Variants in MBTPS1 observed in about 807,000 individuals in gnomAD.
MBTPS1 encodes the protein membrane-bound transcription factor site-1 protease.
Under a neutral mutation model 127.8 loss-of-function variants are expected in MBTPS1, and 94 were observed. That is an observed-to-expected ratio of 0.74 (90% CI 0.62 to 0.87). The LOEUF is 0.87. Ranked by LOEUF, MBTPS1 falls within the 40% of genes least tolerant of loss-of-function variation. MBTPS1 has a pLI of 0.00. For synonymous variants in MBTPS1, 632 were observed against 509.4 expected, an observed-to-expected ratio of 1.24 and a Z score of -3.24; for missense variants, 1,636 against 1,353.2, an observed-to-expected ratio of 1.21 and a Z score of -3.28.
At position 84,068,347 on chromosome 16, in the gene MBTPS1, C is replaced by T. The variant is rs750083240; in HGVS notation, c.2063G>A (p.Ser688Asn). The T allele has an allele frequency of 6.2e-7, 1 of 1,605,492 alleles. No homozygotes were observed. Among genetic ancestry groups the T allele is most frequent in the South Asian group, 1.1e-5 (1 of 90,896 alleles). ...ACAGCAGTGCCACTTACCATACTGA[C>T]TGGCATCAAAACACGTGAAGGGGGC... ...LGAPFTCFDA[S>N]QYGTLLMVDS... The change falls in exon 15 of 23, where the codon AGT becomes AAT. Residue 688 changes from serine (S) to asparagine (N), a missense_variant. Ser to Asn is a conservative substitution (Grantham distance 46). Transcript: ENST00000343411.
intron 11 of MBTPS1, chr16:84,081,461 A>C (rs1286623359): frequency 4.5e-6 from 1 of 221,038 alleles, no homozygotes; most frequent in African/African-American, 2.3e-5. Context: ...CTGTAAACCT[A>C]AGATTATTTC....
chr16:84,062,744 G>A (rs1455847221), intron 19 of MBTPS1, among the ~76,000 whole-genome samples: 1 of 152,102 alleles, frequency 6.6e-6, no homozygotes, highest in Non-Finnish European at 1.5e-5. Flanking sequence ...CGGATGCATC[G>A]AGAGACTGAC....
chr16:84,102,873 A>G (rs1420631481), intron 1 of MBTPS1, among the ~76,000 whole-genome samples: 2 of 152,224 alleles, frequency 1.3e-5, no homozygotes, highest in African/African-American at 2.4e-5. Context: ...AAAAGGGTTT[A>G]CTGTCCTGAA....
chr16:84,082,066 C>T, intron 10 of MBTPS1, 158 bp from the exon 11 acceptor site: 6 of 449,450 alleles, frequency 1.3e-5, no homozygotes, highest in African/African-American at 2.0e-5. Context: ...AGAATGAGTG[C>T]ACACTCATCT....
At chr16:84,106,682 G>A (rs1048688561) in intron 1 of MBTPS1, among the ~76,000 whole-genome samples, 2 of 152,232 alleles carry the variant, frequency 1.3e-5, no homozygotes, top group South Asian at 2.1e-4. Context: ...AGGCAGTCCT[G>A]AGCACGTGTG....
intron 11 of MBTPS1, among the ~76,000 whole-genome samples, chr16:84,081,038 C>T (rs867069741): frequency 1.3e-5 from 2 of 152,198 alleles, no homozygotes; most frequent in Non-Finnish European, 2.9e-5. Context: ...TGGACTGGAT[C>T]CCAGAGAATG....
intron 9 of MBTPS1, among the ~76,000 whole-genome samples, chr16:84,085,580 C>T (rs1395250585): frequency 2.3e-4 from 24 of 104,790 alleles, no homozygotes; most frequent in Middle Eastern, 4.1e-3. Flanking sequence ...CGCCCCCCCC[C>T]CAAAAAAAAA....
intron 1 of MBTPS1, among the ~76,000 whole-genome samples, chr16:84,108,303 T>C (rs1201469478): frequency 6.6e-6 from 1 of 152,140 alleles, no homozygotes; most frequent in Non-Finnish European, 1.5e-5. Flanking sequence ...CTCACTTTGC[T>C]GCCCAGGCTG....
At chr16:84,110,063 C>T (rs2086378391) in intron 1 of MBTPS1, among the ~76,000 whole-genome samples, 2 of 152,220 alleles carry the variant, frequency 1.3e-5, no homozygotes, top group Admixed American at 6.5e-5. Flanking sequence ...TATTTACCCT[C>T]ACCTGCCAAG....
chr16:84,100,071 C>G (rs2086232872), intron 2 of MBTPS1, among the ~76,000 whole-genome samples: 1 of 152,216 alleles, frequency 6.6e-6, no homozygotes, highest in Non-Finnish European at 1.5e-5. Flanking sequence ...CATTCTGCAC[C>G]TCCCAGCTCC....
chr16:84,068,383 T>C lies in MBTPS1; in HGVS notation c.2027A>G (p.Glu676Gly). ...ACACGTGAAGGGGGCCCCGAGGACC[T>C]CTACAAAGTAGCCCATGCTTCTCAG... is the stretch of plus-strand genomic sequence containing the variant. ...QHLRSMGYFVEVLGAPFTCFD... is the reference protein window; with the variant it reads ...QHLRSMGYFVGVLGAPFTCFD... Residue 676 changes from glutamate to glycine, a missense_variant, in exon 15 of 23, where the codon GAG (glutamate) becomes GGG (glycine). By Grantham distance (98) the Glu-to-Gly change is moderately conservative. Coordinates refer to ENST00000343411, the MANE Select transcript of MBTPS1 (RefSeq NM_003791.4). 2 of 1,614,226 alleles carry C rather than the reference T, an allele frequency of 1.2e-6. No homozygotes were observed.
chr16:84,063,503 T>C (rs1363069097), intron 18 of MBTPS1, 58 bp from the exon 19 acceptor site: 91 of 1,476,870 alleles, frequency 6.2e-5, no homozygotes, highest in Non-Finnish European at 7.3e-5. Flanking sequence ...CAGTGAGTTA[T>C]TTCCTGATAT....
At chr16:84,091,881 TTCAA>T (rs1421756848) in intron 6 of MBTPS1, 33 bp from the exon 7 acceptor site, 2 of 1,235,506 alleles carry the variant, frequency 1.6e-6, no homozygotes, top group Non-Finnish European at 2.4e-6. Context: ...TGCTTAGTGT[TTCAA>T]TCAAGTTTTA....
In MBTPS1 at chr16:84,101,518, T is replaced by C. The variant is rs553044206; in HGVS notation, c.163+103A>G. 13 of 1,026,558 alleles carry C rather than the reference T, an allele frequency of 1.3e-5. No homozygotes were observed. In the East Asian group the frequency reaches 2.9e-4, roughly 23 times the overall value. 63.6% of individuals were successfully genotyped at this position (1,026,558 alleles called of 1,614,324 possible). On this transcript the variant is annotated intron_variant, in intron 2 of 22. Coordinates refer to ENST00000343411, the MANE Select transcript of MBTPS1 (RefSeq NM_003791.4). The stretch of plus-strand genomic sequence containing the variant: ...AAAAAAAAAAAAGAAAGAAATTTAC[T>C]GTAGAAAAGAGGAACATGTTATTCA...
chr16:84,082,459 T>C (rs993405619), intron 10 of MBTPS1, among the ~76,000 whole-genome samples: 2 of 152,160 alleles, frequency 1.3e-5, no homozygotes, highest in African/African-American at 4.8e-5. Flanking sequence ...CAGAACGACA[T>C]AGACCTAAGG....
intron 1 of MBTPS1, among the ~76,000 whole-genome samples, chr16:84,111,703 T>G (rs570831563): frequency 1.3e-5 from 2 of 152,272 alleles, no homozygotes; most frequent in South Asian, 2.1e-4. Flanking sequence ...AAACTTTGAC[T>G]TGAGCTCAGT....
At chr16:84,108,394 G>C (rs2086354074) in intron 1 of MBTPS1, among the ~76,000 whole-genome samples, 1 of 152,208 alleles carries the variant, frequency 6.6e-6, no homozygotes, top group South Asian at 2.1e-4. Flanking sequence ...CTCCTGAGTA[G>C]CTGGAATTAC....
At chr16:84,103,521 A>G (rs540297552) in intron 1 of MBTPS1, among the ~76,000 whole-genome samples, 12 of 152,202 alleles carry the variant, frequency 7.9e-5, no homozygotes, top group Non-Finnish European at 1.5e-4. Flanking sequence ...CAAAGTGTTG[A>G]GATTACAGAC....
chr16:84,059,615 G>A, intron 20 of MBTPS1, 187 bp from the exon 21 acceptor site: 3 of 502,196 alleles, frequency 6.0e-6, no homozygotes, highest in Non-Finnish European at 1.1e-5. Context: ...CGGACAATGT[G>A]TGTTTCCATT....
Sources: gnomAD v4.1 joint callset for allele counts (sites outside exome capture counted in the v4.1 genomes callset) on GRCh38, gnomAD v4.1.1 for gene constraint, MANE v1.5 for transcripts, NCBI Gene and HGNC (gene_info 2026-07-23, HGNC 2026-07-21) for gene names.